CSMD1: variants seen among roughly 807,000 people sequenced by gnomAD.
CSMD1 encodes the protein CUB and sushi domain-containing protein 1.
In CSMD1, 213 loss-of-function variants were observed where a neutral mutation model predicts 417.5. The ratio of observed to expected loss-of-function variants is 0.51; its 90% CI spans 0.46 to 0.57. The LOEUF is 0.57. Ranked by LOEUF, CSMD1 falls within the 20% of genes least tolerant of loss-of-function variation. The probability of loss-of-function intolerance (pLI) is 0.00; values close to 1 mark genes in which losing one functional copy is unlikely to be tolerated. For synonymous variants in CSMD1, 2,862 were observed against 1,736.8 expected, an observed-to-expected ratio of 1.65 and a Z score of -16.11; for missense variants, 6,923 against 4,529.7, an observed-to-expected ratio of 1.53 and a Z score of -15.17.
At chr8:4,146,795 T>C (rs979686675) in intron 3 of CSMD1, among the ~76,000 whole-genome samples, 5 of 149,364 alleles carry the variant, frequency 3.3e-5, no homozygotes, top group Non-Finnish European at 7.4e-5. Flanking sequence ...GTATTTTTAG[T>C]AGAGACGAGT....
chr8:4,095,805 G>A (rs1324556593), intron 3 of CSMD1, among the ~76,000 whole-genome samples: 2 of 152,130 alleles, frequency 1.3e-5, no homozygotes, highest in African/African-American at 4.8e-5. Flanking sequence ...GTATTTGTAT[G>A]CATGTTTATT....
chr8:3,233,123 T>G lies in CSMD1; in HGVS notation c.4154-2892A>C, dbSNP rs557735047. On this transcript the variant is annotated intron_variant, in intron 26 of 69. Transcript: ENST00000635120. ...TTTTCTGAGTTTTTATTTGGCCTAA[T>G]TTTTCTACTTCATAAATACTATGGC... Among the ~76,000 whole-genome samples the G allele has an allele frequency of 5.9e-5, 9 of 152,312 alleles. No individual in the cohort carries two copies. In the South Asian group the frequency reaches 1.9e-3, roughly 32 times the overall value.
At position 4,825,479 on chromosome 8, in the gene CSMD1, C is replaced by T. The variant is rs188184654; in HGVS notation, c.85+168853G>A. Among the ~76,000 whole-genome samples, 705 of 152,138 alleles carry T rather than the reference C, an allele frequency of 4.6e-3. 6 individuals carry two copies. The highest frequency in any genetic ancestry group is 0.016 in the African/African-American group (653 of 41,516). ...CAGTTTGCATGATTGAAACTTTATA[C>T]CTCTTGAAAGATCGCCCGATTTTTC... On this transcript the variant is annotated intron_variant, in intron 1 of 69. Coordinates refer to ENST00000635120, the MANE Select transcript of CSMD1 (RefSeq NM_033225.6).
intron 2 of CSMD1, among the ~76,000 whole-genome samples, chr8:4,443,003 C>A (rs1320687093): frequency 2.0e-5 from 3 of 152,104 alleles, no homozygotes; most frequent in African/African-American, 7.2e-5. Flanking sequence ...TCTTCCATCT[C>A]CCAAAAACAC....
intron 5 of CSMD1, among the ~76,000 whole-genome samples, chr8:3,808,650 G>C (rs184975013): frequency 2.0e-5 from 3 of 152,108 alleles, no homozygotes; most frequent in Non-Finnish European, 4.4e-5. Context: ...CTGAGCCCAA[G>C]GGACTTAGGT....
At chr8:3,295,248 C>T (rs1336247739) in intron 25 of CSMD1, among the ~76,000 whole-genome samples, 1 of 151,992 alleles carries the variant, frequency 6.6e-6, no homozygotes, top group African/African-American at 2.4e-5. Flanking sequence ...CCTCAGCCTC[C>T]CGAGTAGCTG....
intron 1 of CSMD1, among the ~76,000 whole-genome samples, chr8:4,722,061 T>C (rs1188528234): frequency 5.3e-5 from 8 of 152,104 alleles, no homozygotes; most frequent in Admixed American, 1.3e-4. Flanking sequence ...GTTGAACTTA[T>C]GTAGGATGAA....
At chr8:2,973,507 A>C (rs1006732474) in intron 56 of CSMD1, among the ~76,000 whole-genome samples, 2 of 152,198 alleles carry the variant, frequency 1.3e-5, no homozygotes, top group African/African-American at 4.8e-5. Context: ...CATGTTACTA[A>C]CTTCACAATA....
At position 4,320,139 on chromosome 8, in the gene CSMD1, C is replaced by A. The variant is rs370392831; in HGVS notation, c.415+99814G>T. On this transcript the variant is annotated intron_variant, in intron 3 of 69. Coordinates refer to ENST00000635120, the MANE Select transcript of CSMD1 (RefSeq NM_033225.6). ...CAAGTAATTTAACTGTGTAACAGAA[C>A]AAAGCACAAAACTTTATTTAGAGAA... 1.4e-4 allele frequency among the ~76,000 whole-genome samples: 21 copies of A among 152,166 alleles called. No individual in the cohort carries two copies. The East Asian group carries it at 2.3e-3, about 17-fold the overall frequency.
chr8:3,515,720 G>C (rs890192155), intron 10 of CSMD1, among the ~76,000 whole-genome samples: 4 of 152,174 alleles, frequency 2.6e-5, no homozygotes, highest in African/African-American at 9.7e-5. Flanking sequence ...ATGTTATTCA[G>C]CATTCATTAA....
At chr8:4,257,146 G>A (rs1413950568) in intron 3 of CSMD1, among the ~76,000 whole-genome samples, 1 of 152,030 alleles carries the variant, frequency 6.6e-6, no homozygotes, top group Non-Finnish European at 1.5e-5. Context: ...GTTACCTAGG[G>A]CAAATTACTA....
intron 2 of CSMD1, among the ~76,000 whole-genome samples, chr8:4,556,118 G>A (rs117194906): frequency 0.014 from 2,158 of 152,072 alleles, 14 homozygotes; most frequent in Middle Eastern, 0.024. Flanking sequence ...ACAAAATAAC[G>A]CAGACATTAA....
chr8:3,102,378 T>A (rs1056975309), intron 46 of CSMD1, among the ~76,000 whole-genome samples: 2 of 152,170 alleles, frequency 1.3e-5, no homozygotes, highest in African/African-American at 4.8e-5. Context: ...GACTCGTGAC[T>A]TGAAAGAGAA....
intron 3 of CSMD1, among the ~76,000 whole-genome samples, chr8:4,387,492 C>A (rs1230292404): frequency 7.6e-6 from 1 of 131,602 alleles, no homozygotes; most frequent in African/African-American, 2.8e-5. Context: ...ATCATACTTG[C>A]ATAATTGTTC....
At chr8:3,381,526 G>C (rs1227146217) in intron 18 of CSMD1, among the ~76,000 whole-genome samples, 1 of 151,888 alleles carries the variant, frequency 6.6e-6, no homozygotes, top group Non-Finnish European at 1.5e-5. Context: ...ATATTTTAAG[G>C]GTTATCATTC....
At chr8:3,750,479 T>C (rs1797281660) in intron 6 of CSMD1, among the ~76,000 whole-genome samples, 1 of 152,014 alleles carries the variant, frequency 6.6e-6, no homozygotes, top group Admixed American at 6.6e-5. Context: ...GTCTTATTAG[T>C]CCCCAAATAT....
rs6988820 is a variant in CSMD1, at chr8:3,287,881, A to C, written c.3951-3535T>G. On this transcript the variant is annotated intron_variant, in intron 25 of 69. Coordinates refer to ENST00000635120, the MANE Select transcript of CSMD1 (RefSeq NM_033225.6). ...AGAGAGGGCATCCCTCTCTTGTGCC[A>C]GTTTGCAAAGGGAATGCTTCCAGTT... 1.2e-3 allele frequency among the ~76,000 whole-genome samples: 177 copies of C among 142,912 alleles called. 5 individuals carry two copies. The highest frequency in any genetic ancestry group is 1.3e-4 in the Non-Finnish European group (9 of 67,254). 93.8% of individuals were successfully genotyped at this position (142,912 alleles called of 152,430 possible).
rs183169124 is a variant in CSMD1 at position 3,658,888 on chromosome 8, G to A, written c.1010-42091C>T. Among the ~76,000 whole-genome samples, 32 of 152,292 alleles carry A rather than the reference G, an allele frequency of 2.1e-4. No individual in the cohort carries two copies. In the Middle Eastern group the frequency reaches 0.01, roughly 49 times the overall value. On this transcript the variant is annotated intron_variant, in intron 7 of 69. Transcript: ENST00000635120. ...CCAGGGGATGTTTCGAATGCCTTCT[G>A]TTTTGCCATTTCAATTAATAATTCC...
At chr8:3,893,967 C>T (rs1468521408) in intron 5 of CSMD1, among the ~76,000 whole-genome samples, 4 of 152,042 alleles carry the variant, frequency 2.6e-5, no homozygotes, top group Non-Finnish European at 5.9e-5. Flanking sequence ...CCAGAACTTG[C>T]TTACTGGCAA....
Sources: allele counts gnomAD v4.1 joint callset (sites outside exome capture counted in the v4.1 genomes callset), GRCh38; gene constraint gnomAD v4.1.1; transcripts MANE v1.5; gene names NCBI Gene and HGNC (gene_info 2026-07-23, HGNC 2026-07-21).